The following WASHC5 variants were observed in gnomAD, a reference collection of about 807,000 sequenced individuals.
WASHC5 encodes WASH complex subunit 5, also known as WASH complex subunit strumpellin.
WASHC5 carries 101 observed loss-of-function variants against 150.4 expected under a neutral mutation model. The observed-to-expected ratio is 0.67, with a 90% confidence interval of 0.57 to 0.79. The LOEUF is 0.79. Ranked by LOEUF, WASHC5 falls within the 30% of genes least tolerant of loss-of-function variation. The pLI, the probability that WASHC5 is intolerant of heterozygous loss-of-function variation, is 0.00. For synonymous variants in WASHC5, 467 were observed against 491.2 expected (o/e 0.95, Z 0.65); for missense variants, 1,195 against 1,396.3 (o/e 0.86, Z 2.30).
Position 125,083,931 on chromosome 8 carries a change from A to G in WASHC5, c.-33T>C. The stretch of plus-strand genomic sequence containing the variant: ...CGGACCGACTACTCTGTGCCTGGAC[A>G]CTGGGGATGATTAACTGGCCTCAGA... On this transcript the variant is annotated 5_prime_UTR_variant, in exon 2 of 29. Transcript: ENST00000318410. 6.2e-7 allele frequency: 1 copy of G among 1,602,692 alleles called. No homozygotes were observed. Among genetic ancestry groups the G allele is most frequent in the East Asian group, 2.2e-5 (1 of 44,758 alleles).
Position 125,050,601 on chromosome 8 carries a change from G to A in WASHC5, c.2162C>T (p.Ala721Val). Residue 721 changes from alanine to valine, a missense_variant, in exon 18 of 29, where the codon GCC becomes GTC. Ala to Val is a moderately conservative substitution (Grantham distance 64, BLOSUM62 0). Coordinates refer to ENST00000318410, the MANE Select transcript of WASHC5 (RefSeq NM_014846.4). ...GTTGAATATCAGTCCCCTATGCAGG[G>A]CAAAGGCAACGCGCTTCACAAGCTC... ...RKELVKRVAF[A>V]LHRGLIFNPR... 6.2e-7 allele frequency: 1 copy of A among 1,614,116 alleles called. No homozygotes were observed. The highest frequency in any genetic ancestry group is 8.5e-7 in the Non-Finnish European group (1 of 1,179,980).
intron 25 of WASHC5, 129 bp from the exon 26 acceptor site, chr8:125,037,462 T>C: frequency 8.7e-6 from 6 of 690,926 alleles, no homozygotes; most frequent in Non-Finnish European, 1.3e-5. Flanking sequence ...TGTGGATGGT[T>C]CCATTAATTT....
At chr8:125,066,938 C>T (rs538703691) in intron 10 of WASHC5, among the ~76,000 whole-genome samples, 10 of 152,336 alleles carry the variant, frequency 6.6e-5, no homozygotes, top group African/African-American at 2.2e-4. Flanking sequence ...CAACAGGATA[C>T]TTTATTCTAG....
chr8:125,059,147 C>G (rs1816505806), intron 14 of WASHC5, 75 bp downstream of exon 14: 1 of 1,055,028 alleles, frequency 9.5e-7, no homozygotes. Context: ...AAATCCTGGG[C>G]TGAATTAATG....
At chr8:125,067,767 T>C (rs764608509) in intron 9 of WASHC5, 48 bp from the exon 10 acceptor site, 6 of 1,586,316 alleles carry the variant, frequency 3.8e-6, no homozygotes, top group Admixed American at 1.7e-5. Context: ...GTAGAAAATA[T>C]CTATGAAATA....
chr8:125,063,610 C>T lies in WASHC5; in HGVS notation c.1320G>A (p.Glu440=). ...QMLSEKQTKW[E]HYKKEGSERM... is the part of the protein sequence containing the mutation. ...GCTCCGAACCCTCTTTCTTGTAATG[C>T]TCCCATTTGGTTTGCTTTTCTGAAA... The change falls in exon 11 of 29, where the codon GAG becomes GAA. Residue 440 remains glutamate (E), a synonymous_variant. Transcript: ENST00000318410. The T allele has an allele frequency of 6.2e-7, 1 of 1,613,822 alleles. No homozygotes were observed. The highest frequency in any genetic ancestry group is 1.3e-5 in the African/African-American group (1 of 75,024).
intron 1 of WASHC5, among the ~76,000 whole-genome samples, chr8:125,089,766 CTT>C (rs1324362415): frequency 6.6e-6 from 1 of 152,194 alleles, no homozygotes; most frequent in Non-Finnish European, 1.5e-5. Flanking sequence ...GTGTCAATCT[CTT>C]GTTTTAATCC....
intron 16 of WASHC5, among the ~76,000 whole-genome samples, chr8:125,056,395 G>C (rs1205033912): frequency 6.6e-6 from 1 of 152,182 alleles, no homozygotes; most frequent in Non-Finnish European, 1.5e-5. Context: ...AAGAGAACAA[G>C]GGCTGCTTTA....
rs1318912764 is a variant in WASHC5 at position 125,091,672 on chromosome 8, G to C, written c.-182C>G. On this transcript the variant is annotated 5_prime_UTR_variant, in exon 1 of 29. Transcript: ENST00000318410. Reference sequence around the variant, plus strand: ...AGGGCCGGAGGTCGCGCGCGGAGCCGGCACCCAGTTTCCACCCCTCCCTCA... The same window carrying C: ...AGGGCCGGAGGTCGCGCGCGGAGCCCGCACCCAGTTTCCACCCCTCCCTCA... 1.3e-5 allele frequency: 2 copies of C among 152,446 alleles called. No homozygotes were observed. Among genetic ancestry groups the C allele is most frequent in the East Asian group, 1.9e-4 (1 of 5,184 alleles). The allele number at this position is 152,446 out of a possible 1,614,324, so 9.4% of individuals were successfully genotyped here. A position where few individuals can be genotyped will look rare whatever the true frequency, so the allele number is the denominator to read the frequency against.
At chr8:125,080,823 C>G (rs145943827) in intron 5 of WASHC5, among the ~76,000 whole-genome samples, 1 of 152,160 alleles carries the variant, frequency 6.6e-6, no homozygotes, top group Non-Finnish European at 1.5e-5. Context: ...TGGATATGTG[C>G]TGTTGCTTGA....
At chr8:125,054,229 T>G (rs142446442) in intron 17 of WASHC5, among the ~76,000 whole-genome samples, 1 of 152,166 alleles carries the variant, frequency 6.6e-6, no homozygotes, top group Non-Finnish European at 1.5e-5. Flanking sequence ...TATGCAGCAG[T>G]AAAAAGTAAC....
At chr8:125,071,252 CGAA>C (rs1563629866) in intron 9 of WASHC5, among the ~76,000 whole-genome samples, 3 of 152,126 alleles carry the variant, frequency 2.0e-5, no homozygotes, top group Non-Finnish European at 4.4e-5. Context: ...CCAGCATTTA[CGAA>C]GAATAAGAAA....
intron 11 of WASHC5, among the ~76,000 whole-genome samples, chr8:125,062,237 T>G (rs1033605139): frequency 6.6e-6 from 1 of 152,288 alleles, no homozygotes; most frequent in Admixed American, 6.5e-5. Context: ...ATGATTACAT[T>G]TTTAAGCCTC....
intron 12 of WASHC5, 95 bp downstream of exon 12, chr8:125,060,987 A>T (rs1563623896): frequency 4.0e-5 from 29 of 724,330 alleles, no homozygotes; most frequent in Admixed American, 1.4e-4. Context: ...CTGATGAAAT[A>T]GTCTCTCAGC....
At chr8:125,065,754 A>AT (rs1257822641) in intron 10 of WASHC5, among the ~76,000 whole-genome samples, 2 of 151,778 alleles carry the variant, frequency 1.3e-5, no homozygotes, top group Non-Finnish European at 2.9e-5. Context: ...AGAGCTTGGA[A>AT]TACAGGCACG....
In WASHC5 at chr8:125,082,082, C is replaced by T. The variant is rs191890341; in HGVS notation, c.417+301G>A. On this transcript the variant is annotated intron_variant, in intron 4 of 28. Coordinates refer to ENST00000318410, the MANE Select transcript of WASHC5 (RefSeq NM_014846.4). ...TCATTCACTTATTCAATCAGCATTTCTTAAATGGTTAGTATGTACTAGGTA... is the reference window on the plus strand; with the variant it reads ...TCATTCACTTATTCAATCAGCATTTTTTAAATGGTTAGTATGTACTAGGTA... 6.3e-4 allele frequency among the ~76,000 whole-genome samples: 96 copies of T among 152,298 alleles called. 1 individual carries two copies. Among genetic ancestry groups the T allele is most frequent in the Admixed American group, 1.9e-3 (29 of 15,306 alleles).
intron 1 of WASHC5, among the ~76,000 whole-genome samples, chr8:125,089,117 A>C (rs1817515942): frequency 6.6e-6 from 1 of 152,172 alleles, no homozygotes. Flanking sequence ...AACCACACTG[A>C]TCTCTAACAG....
intron 27 of WASHC5, among the ~76,000 whole-genome samples, chr8:125,029,803 A>C (rs1815475606): frequency 6.6e-6 from 1 of 152,214 alleles, no homozygotes. Flanking sequence ...TTTTCTGATT[A>C]ACAAATAACT....
intron 12 of WASHC5, among the ~76,000 whole-genome samples, chr8:125,060,705 A>G (rs1241269406): frequency 2.6e-5 from 4 of 152,082 alleles, no homozygotes; most frequent in African/African-American, 7.2e-5. Context: ...ATTTTTGTGT[A>G]TTCCTTTCTG....
Sources: gnomAD v4.1 joint callset for allele counts (sites outside exome capture counted in the v4.1 genomes callset) on GRCh38, gnomAD v4.1.1 for gene constraint, MANE v1.5 for transcripts, NCBI Gene and HGNC (gene_info 2026-07-23, HGNC 2026-07-21) for gene names.